Variants in PCDH15 observed in about 807,000 individuals in gnomAD.
PCDH15 encodes the protein protocadherin related 15.
In PCDH15, 129 loss-of-function variants were observed where a neutral mutation model predicts 178.5. That is an observed-to-expected ratio of 0.72 (90% CI 0.63 to 0.84). PCDH15 has a LOEUF of 0.84. Among genes scored for constraint, PCDH15 ranks in the 40% least tolerant of loss-of-function variants. PCDH15 has a pLI of 0.00. For synonymous variants in PCDH15, 800 were observed against 732.0 expected (o/e 1.09, Z -1.50); for missense variants, 2,230 against 2,099.9 (o/e 1.06, Z -1.21).
At chr10:54,607,293 G>A (rs1195046005) in intron 2 of PCDH15, among the ~76,000 whole-genome samples, 1 of 152,018 alleles carries the variant, frequency 6.6e-6, no homozygotes, top group Non-Finnish European at 1.5e-5. Context: ...TGCAATAAAT[G>A]TGGTAAACAA....
At chr10:55,012,852 T>G (rs1280744042) in intron 2 of PCDH15, among the ~76,000 whole-genome samples, 1 of 152,144 alleles carries the variant, frequency 6.6e-6, no homozygotes, top group African/African-American at 2.4e-5. Context: ...AACATTTACA[T>G]GGGTGTCTTT....
chr10:54,752,547 C>T (rs1946487909), intron 1 of PCDH15, among the ~76,000 whole-genome samples: 1 of 139,948 alleles, frequency 7.1e-6, no homozygotes, highest in Non-Finnish European at 1.6e-5. Flanking sequence ...AACAATAAAA[C>T]AATTTTCCTA....
In PCDH15 at chr10:54,518,765, G is replaced by T. The variant is rs188644085; in HGVS notation, c.157+9047C>A. ...CTGGCAGAGACGCAACCAAAAAAGAGAATTTTAGACCAATATCCTTGATGA... is the reference window on the plus strand; with the variant it reads ...CTGGCAGAGACGCAACCAAAAAAGATAATTTTAGACCAATATCCTTGATGA... On this transcript the variant is annotated intron_variant, in intron 3 of 37. Transcript: ENST00000644397. Among the ~76,000 whole-genome samples, 627 of 152,244 alleles carry T rather than the reference G, an allele frequency of 4.1e-3. 1 individual carries two copies. The highest frequency in any genetic ancestry group is 0.014 in the African/African-American group (575 of 41,548).
At chr10:54,769,875 AC>A (rs1388703763) in intron 1 of PCDH15, among the ~76,000 whole-genome samples, 1 of 152,124 alleles carries the variant, frequency 6.6e-6, no homozygotes, top group Non-Finnish European at 1.5e-5. Context: ...TTTAGCAAAT[AC>A]CTTTTTGTCT....
chr10:55,298,945 T>C (rs1249212726), intron 1 of PCDH15, among the ~76,000 whole-genome samples: 1 of 152,148 alleles, frequency 6.6e-6, no homozygotes, highest in Admixed American at 6.6e-5. Context: ...TTCTCATAAG[T>C]ATTAGCTTCA....
At chr10:55,157,655 G>A (rs1810731558) in intron 2 of PCDH15, among the ~76,000 whole-genome samples, 1 of 151,862 alleles carries the variant, frequency 6.6e-6, no homozygotes, top group Non-Finnish European at 1.5e-5. Context: ...GTCCTTTGTA[G>A]GGACATGGAT....
intron 2 of PCDH15, among the ~76,000 whole-genome samples, chr10:55,137,259 G>C (rs139358682): frequency 5.9e-5 from 9 of 152,000 alleles, no homozygotes; most frequent in African/African-American, 2.2e-4. Flanking sequence ...TGCCATATTT[G>C]CCATATTTTT....
At chr10:55,521,424 GA>G (rs970177382) in intron 2 of PCDH15, among the ~76,000 whole-genome samples, 11 of 151,946 alleles carry the variant, frequency 7.2e-5, no homozygotes, top group African/African-American at 2.4e-4. Context: ...TTCACATTAC[GA>G]TTTTTTTTTG....
chr10:54,010,530 A>T (rs2135150252), intron 20 of PCDH15, among the ~76,000 whole-genome samples: 1 of 152,238 alleles, frequency 6.6e-6, no homozygotes, highest in South Asian at 2.1e-4. Flanking sequence ...AAGCAGCTAG[A>T]CTGCTTTCTA....
intron 18 of PCDH15, among the ~76,000 whole-genome samples, chr10:54,026,196 G>A (rs1046695087): frequency 2.6e-5 from 4 of 151,630 alleles, no homozygotes; most frequent in African/African-American, 4.8e-5. Flanking sequence ...AGCGTCCTGC[G>A]CAGCTGGCAC....
At chr10:54,781,144 T>C (rs1424646964) in intron 1 of PCDH15, among the ~76,000 whole-genome samples, 1 of 152,110 alleles carries the variant, frequency 6.6e-6, no homozygotes, top group Non-Finnish European at 1.5e-5. Context: ...TATTTATATA[T>C]GTTTTTTGGC....
intron 2 of PCDH15, among the ~76,000 whole-genome samples, chr10:54,995,977 G>A (rs1035943961): frequency 6.6e-6 from 1 of 152,068 alleles, no homozygotes; most frequent in Admixed American, 6.6e-5. Flanking sequence ...CTCCTTAGCT[G>A]CAATACCTCA....
At chr10:54,713,394 T>C (rs941270280) in intron 1 of PCDH15, among the ~76,000 whole-genome samples, 1 of 152,128 alleles carries the variant, frequency 6.6e-6, no homozygotes, top group African/African-American at 2.4e-5. Context: ...TTTAGGTAAA[T>C]AAAACTTGTA....
chr10:54,058,466 G>A (rs2093945373), intron 18 of PCDH15, among the ~76,000 whole-genome samples: 1 of 152,094 alleles, frequency 6.6e-6, no homozygotes, highest in Non-Finnish European at 1.5e-5. Flanking sequence ...CACATCTTGT[G>A]AGACTTACTC....
chr10:54,443,023 T>C (rs1315416178), intron 3 of PCDH15, among the ~76,000 whole-genome samples: 3 of 151,668 alleles, frequency 2.0e-5, no homozygotes, highest in Admixed American at 6.6e-5. Context: ...TTATGCTAAA[T>C]AGTGGCATGA....
rs1041329070 is a variant in PCDH15, at chr10:53,827,536, C to G, written c.4224G>C (p.Glu1408Asp). Reference protein sequence around the residue: ...SYRQFKVRQAECTKTARIQAA... With the variant: ...SYRQFKVRQADCTKTARIQAA... ...CCTGAATTCGTGCAGTCTTTGTACACTCAGCTTGACGTCTTGGATAAAGTA... is the reference window on the plus strand; with the variant it reads ...CCTGAATTCGTGCAGTCTTTGTACAGTCAGCTTGACGTCTTGGATAAAGTA... Residue 1408 changes from glutamate (E) to aspartate (D), a missense_variant, in exon 32 of 38, where the codon GAG (glutamate) becomes GAC (aspartate). Physicochemically the swap from Glu to Asp is conservative, Grantham distance 45. Transcript: ENST00000644397. The G allele has an allele frequency of 3.1e-6, 5 of 1,614,012 alleles. No homozygotes were observed. The highest frequency in any genetic ancestry group is 4.2e-6 in the Non-Finnish European group (5 of 1,179,982).
At chr10:55,334,076 T>C (rs1184322742) in intron 2 of PCDH15, among the ~76,000 whole-genome samples, 1 of 151,074 alleles carries the variant, frequency 6.6e-6, no homozygotes, top group East Asian at 1.9e-4. Flanking sequence ...GGCTTATTTA[T>C]ACTTCTAGCA....
intron 2 of PCDH15, among the ~76,000 whole-genome samples, chr10:55,576,523 A>C (rs1440008011): frequency 6.6e-6 from 1 of 152,228 alleles, no homozygotes; most frequent in Non-Finnish European, 1.5e-5. Context: ...GTTTGATGTA[A>C]TGCTACATGG....
chr10:55,205,824 G>T (rs889221682), intron 1 of PCDH15, among the ~76,000 whole-genome samples: 2 of 152,036 alleles, frequency 1.3e-5, no homozygotes, highest in Non-Finnish European at 2.9e-5. Context: ...AAAAGAAAGA[G>T]GTTTATTGAA....
Sources: gnomAD v4.1 joint callset for allele counts (sites outside exome capture counted in the v4.1 genomes callset) on GRCh38, gnomAD v4.1.1 for gene constraint, MANE v1.5 for transcripts, NCBI Gene and HGNC (gene_info 2026-07-23, HGNC 2026-07-21) for gene names.